PDCD1LG2: variants seen among roughly 807,000 people sequenced by gnomAD.
PDCD1LG2 encodes B7 dendritic cell molecule.
A neutral mutation model predicts 28.2 loss-of-function variants in PDCD1LG2; 32 were observed. That is an observed-to-expected ratio of 1.13 (90% CI 0.86 to 1.52). The LOEUF is 1.52. PDCD1LG2 is among the 40% of genes most tolerant of loss of function. The probability of loss-of-function intolerance (pLI) is 0.00; values close to 1 mark genes in which losing one functional copy is unlikely to be tolerated. For synonymous variants in PDCD1LG2, 116 were observed against 120.2 expected (o/e 0.97, Z 0.23); for missense variants, 385 against 323.8 (o/e 1.19, Z -1.45).
intron 6 of PDCD1LG2, among the ~76,000 whole-genome samples, chr9:5,567,302 G>A (rs954019653): frequency 6.6e-6 from 1 of 152,180 alleles, no homozygotes; most frequent in Non-Finnish European, 1.5e-5. Flanking sequence ...ACTTGCATAA[G>A]GTCATATCAT....
chr9:5,550,684 C>T (rs531561039), intron 4 of PDCD1LG2, among the ~76,000 whole-genome samples: 5 of 147,732 alleles, frequency 3.4e-5, no homozygotes, highest in African/African-American at 1.3e-4. Flanking sequence ...TCTGTCACCA[C>T]ATCTCTCTCT....
chr9:5,550,407 A>C (rs1816306590), intron 4 of PDCD1LG2, among the ~76,000 whole-genome samples: 1 of 152,222 alleles, frequency 6.6e-6, no homozygotes, highest in Non-Finnish European at 1.5e-5. Flanking sequence ...CACCGAGTGC[A>C]TATGTTTTCT....
intron 2 of PDCD1LG2, among the ~76,000 whole-genome samples, chr9:5,527,288 T>C (rs1040731499): frequency 1.3e-5 from 2 of 152,150 alleles, no homozygotes; most frequent in African/African-American, 4.8e-5. Context: ...TTCCATCCCT[T>C]GCCAAACAAA....
At position 5,569,831 on chromosome 9, in the gene PDCD1LG2, C is replaced by T. The variant is rs1275127251; in HGVS notation, c.817-123C>T. 8.3e-6 allele frequency: 8 copies of T among 958,688 alleles called. No individual in the cohort carries two copies. The highest frequency in any genetic ancestry group is 8.0e-5 in the Admixed American group (4 of 50,218). 59.4% of individuals were successfully genotyped at this position (958,688 alleles called of 1,614,324 possible). On this transcript the variant is annotated intron_variant, in intron 6 of 6. Transcript: ENST00000397747. The surrounding 1 kb of genome is among the most constrained non-coding windows in gnomAD (Gnocchi z 4.1). Reference sequence around the variant, plus strand: ...AAGTTTTAAATGAAAAGTTTTAAACCATGCGGCTTCCAGCTAGATGAACTT... The same window carrying T: ...AAGTTTTAAATGAAAAGTTTTAAACTATGCGGCTTCCAGCTAGATGAACTT...
intron 1 of PDCD1LG2, among the ~76,000 whole-genome samples, chr9:5,514,372 A>C (rs1360238): frequency 0.32 from 48,380 of 152,090 alleles, 7,871 homozygotes; most frequent in Admixed American, 0.39. Context: ...AGACAGTAGA[A>C]ATGGCAAGAA....
intron 3 of PDCD1LG2, among the ~76,000 whole-genome samples, chr9:5,541,880 G>T (rs1820694131): frequency 6.6e-6 from 1 of 151,900 alleles, no homozygotes; most frequent in Non-Finnish European, 1.5e-5. Flanking sequence ...AAGCAAGGAA[G>T]ACTAAGCAAA....
In PDCD1LG2 at chr9:5,534,871, A is replaced by G. The variant is rs2129793742; in HGVS notation, c.182A>G (p.Lys61Arg). The G allele has an allele frequency of 6.2e-7, 1 of 1,614,200 alleles. No individual in the cohort carries two copies. Among genetic ancestry groups the G allele is most frequent in the Non-Finnish European group, 8.5e-7 (1 of 1,180,022 alleles). Residue 61 changes from lysine to arginine, a missense_variant, in exon 3 of 7, where the codon AAG becomes AGG. By Grantham distance (26) the Lys-to-Arg change is conservative. Transcript: ENST00000397747. ...GGAGCAATAACAGCCAGTTTGCAAA[A>G]GGTGGAAAATGATACATCCCCACAC... ...NLGAITASLQKVENDTSPHRE... is the reference protein window; with the variant it reads ...NLGAITASLQRVENDTSPHRE...
chr9:5,543,649 G>C (rs944331770), intron 3 of PDCD1LG2, among the ~76,000 whole-genome samples: 8 of 151,946 alleles, frequency 5.3e-5, no homozygotes, highest in Non-Finnish European at 1.2e-4. Context: ...ACAACTGTAC[G>C]TTTAAGCCTC....
chr9:5,528,669 TG>T (rs1303199967), intron 2 of PDCD1LG2, among the ~76,000 whole-genome samples: 2 of 152,180 alleles, frequency 1.3e-5, no homozygotes, highest in Non-Finnish European at 2.9e-5. Flanking sequence ...TTTCATCCTT[TG>T]TAATTGTATA....
chr9:5,563,221 C>G lies in PDCD1LG2; in HGVS notation c.816+10C>G, dbSNP rs547220765. 1 of 1,605,298 alleles carries G rather than the reference C, an allele frequency of 6.2e-7. No individual in the cohort carries two copies. Reference sequence around the variant, plus strand: ...GGAAGTGAACAGTGCTGTGAGTAAGCATGATTTTTACTTTTCTTTCTTACT... The same window carrying G: ...GGAAGTGAACAGTGCTGTGAGTAAGGATGATTTTTACTTTTCTTTCTTACT... On this transcript the variant is annotated intron_variant, in intron 6 of 6. Transcript: ENST00000397747.
At chr9:5,556,769 G>A (rs1816450685) in intron 4 of PDCD1LG2, among the ~76,000 whole-genome samples, 1 of 152,112 alleles carries the variant, frequency 6.6e-6, no homozygotes, top group African/African-American at 2.4e-5. Flanking sequence ...CTTTTGAATA[G>A]GGCACAAATT....
At chr9:5,524,236 G>C (rs1820329233) in intron 2 of PDCD1LG2, among the ~76,000 whole-genome samples, 1 of 152,158 alleles carries the variant, frequency 6.6e-6, no homozygotes, top group Admixed American at 6.5e-5. Context: ...TTTCAACAAA[G>C]CTAATGTCCT....
intron 1 of PDCD1LG2, 112 bp downstream of exon 1, chr9:5,510,915 G>C (rs192267992): frequency 6.6e-6 from 1 of 152,660 alleles, no homozygotes; most frequent in East Asian, 1.9e-4. Context: ...TTTGAGGCAA[G>C]AGACATTCTG....
intron 2 of PDCD1LG2, 89 bp from the exon 3 acceptor site, chr9:5,534,656 G>A (rs1348360969): frequency 8.3e-7 from 1 of 1,202,422 alleles, no homozygotes; most frequent in Non-Finnish European, 1.2e-6. Context: ...TTGGAAAATG[G>A]GGGTGAGATG....
intron 2 of PDCD1LG2, among the ~76,000 whole-genome samples, chr9:5,533,196 A>T (rs1313766402): frequency 6.6e-6 from 1 of 152,260 alleles, no homozygotes; most frequent in Non-Finnish European, 1.5e-5. Context: ...TTCTGTGATT[A>T]TTCAGAAACT....
rs1314442698 is a variant in PDCD1LG2, at chr9:5,570,555, T to C, written c.*596T>C. 4.3e-6 allele frequency: 1 copy of C among 232,686 alleles called. No homozygotes were observed. The highest frequency in any genetic ancestry group is 8.5e-6 in the Non-Finnish European group (1 of 117,794). The allele number at this position is 232,686 out of a possible 1,614,324, so 14.4% of individuals were successfully genotyped here. A position where few individuals can be genotyped will look rare whatever the true frequency, so the allele number is the denominator to read the frequency against. Reference sequence around the variant, plus strand: ...TTTAAATATACACTAAGTGCACAAATTGTGGAGTAAAGTCATCAAGCTCTG... The same window carrying C: ...TTTAAATATACACTAAGTGCACAAACTGTGGAGTAAAGTCATCAAGCTCTG... On this transcript the variant is annotated 3_prime_UTR_variant, in exon 7 of 7. Coordinates refer to ENST00000397747, the MANE Select transcript of PDCD1LG2 (RefSeq NM_025239.4).
intron 2 of PDCD1LG2, among the ~76,000 whole-genome samples, chr9:5,533,556 G>C (rs1391701209): frequency 6.6e-6 from 1 of 152,130 alleles, no homozygotes; most frequent in East Asian, 1.9e-4. Context: ...CAGTGTTAGA[G>C]GTGTGGAAGT....
At chr9:5,524,447 C>T (rs532946051) in intron 2 of PDCD1LG2, among the ~76,000 whole-genome samples, 9 of 152,286 alleles carry the variant, frequency 5.9e-5, no homozygotes, top group East Asian at 3.9e-4. Flanking sequence ...AAAAATGTAG[C>T]GCTTTCTCAT....
At chr9:5,532,745 G>C (rs987090411) in intron 2 of PDCD1LG2, among the ~76,000 whole-genome samples, 1 of 152,200 alleles carries the variant, frequency 6.6e-6, no homozygotes, top group Admixed American at 6.5e-5. Flanking sequence ...TATCCTGGAG[G>C]ATAAAGATTG....
Sources: allele counts gnomAD v4.1 joint callset (sites outside exome capture counted in the v4.1 genomes callset), GRCh38; gene constraint gnomAD v4.1.1; non-coding constraint Gnocchi (gnomAD v3.1); transcripts MANE v1.5; gene names NCBI Gene and HGNC (gene_info 2026-07-23, HGNC 2026-07-21).